Variants in CCSER1 observed in about 807,000 individuals in gnomAD.
CCSER1 encodes serine-rich coiled-coil domain-containing protein 1.
CCSER1 carries 41 observed loss-of-function variants against 82.0 expected under a neutral mutation model. The ratio of observed to expected loss-of-function variants is 0.50; its 90% CI spans 0.39 to 0.65. CCSER1 has a LOEUF of 0.65. Ranked by LOEUF, CCSER1 falls within the 30% of genes least tolerant of loss-of-function variation. CCSER1 has a pLI of 0.00. For synonymous variants in CCSER1, 414 were observed against 383.9 expected, an observed-to-expected ratio of 1.08 and a Z score of -0.92; for missense variants, 1,119 against 1,064.2, an observed-to-expected ratio of 1.05 and a Z score of -0.72.
At chr4:91,222,153 A>G in intron 10 of CCSER1, among the ~76,000 whole-genome samples, 1 of 150,964 alleles carries the variant, frequency 6.6e-6, no homozygotes, top group East Asian at 2.0e-4. Flanking sequence ...TGCTACTGTG[A>G]ACTGATTTTC....
At chr4:90,662,003 T>TCTTTC (rs201269377) in intron 6 of CCSER1, among the ~76,000 whole-genome samples, 1 of 149,492 alleles carries the variant, frequency 6.7e-6, no homozygotes, top group East Asian at 2.0e-4. Context: ...TTTCTTTCTT[T>TCTTTC]TTTTTTTTTT....
chr4:90,293,205 A>G (rs932127362), intron 1 of CCSER1, among the ~76,000 whole-genome samples: 1 of 151,804 alleles, frequency 6.6e-6, no homozygotes, highest in Admixed American at 6.6e-5. Flanking sequence ...CAAAAACAAC[A>G]AGAAACTATC....
chr4:90,794,341 A>C (rs1374640874), intron 7 of CCSER1, among the ~76,000 whole-genome samples: 2 of 152,162 alleles, frequency 1.3e-5, no homozygotes, highest in East Asian at 3.8e-4. Flanking sequence ...ATTTTTGTAT[A>C]TGATGTAAGG....
chr4:90,968,744 CTG>C (rs1734807178), intron 9 of CCSER1, among the ~76,000 whole-genome samples: 1 of 151,874 alleles, frequency 6.6e-6, no homozygotes, highest in Admixed American at 6.6e-5. Flanking sequence ...AATGAAAAGA[CTG>C]TAATGAAAGA....
rs1764883272 is a variant in CCSER1, at chr4:91,603,514, A to C, written c.*4457A>C. ...TAGTTAAGGTGAAATAAAATCATTA[A>C]TAGAGAGTAGGTTCCTTCCATTTGA... On this transcript the variant is annotated 3_prime_UTR_variant, in exon 11 of 11. Coordinates refer to ENST00000509176, the MANE Select transcript of CCSER1 (RefSeq NM_001145065.2). 1 of 152,094 alleles carries C rather than the reference A, an allele frequency of 6.6e-6. No individual in the cohort carries two copies. Among genetic ancestry groups the C allele is most frequent in the East Asian group, 1.9e-4 (1 of 5,182 alleles). 9.4% of individuals were successfully genotyped at this position (152,094 alleles called of 1,614,324 possible).
At chr4:91,383,344 T>C (rs1397862096) in intron 10 of CCSER1, among the ~76,000 whole-genome samples, 1 of 152,150 alleles carries the variant, frequency 6.6e-6, no homozygotes, top group Middle Eastern at 3.2e-3. Context: ...TTCTTCATGT[T>C]ATCTCACTTT....
chr4:90,473,701 G>A (rs1764699086), intron 5 of CCSER1, among the ~76,000 whole-genome samples: 1 of 152,146 alleles, frequency 6.6e-6, no homozygotes, highest in Admixed American at 6.6e-5. Context: ...ATTTGGAACA[G>A]TTAAGTACTC....
intron 9 of CCSER1, among the ~76,000 whole-genome samples, chr4:91,004,058 C>T (rs1418303472): frequency 6.6e-6 from 1 of 152,204 alleles, no homozygotes; most frequent in Admixed American, 6.5e-5. Flanking sequence ...AGTTTGGGCA[C>T]CCACATTATT....
At chr4:90,738,610 C>T (rs1200803585) in intron 7 of CCSER1, among the ~76,000 whole-genome samples, 1 of 152,108 alleles carries the variant, frequency 6.6e-6, no homozygotes, top group Admixed American at 6.5e-5. Flanking sequence ...TGTGACCTCC[C>T]AAGGCCCACT....
intron 10 of CCSER1, among the ~76,000 whole-genome samples, chr4:91,256,081 T>C (rs1244788608): frequency 1.3e-5 from 2 of 152,094 alleles, no homozygotes; most frequent in Middle Eastern, 3.2e-3. Flanking sequence ...CTCAATTCTT[T>C]CCCCAGTAAG....
chr4:90,741,164 C>T (rs893268104), intron 7 of CCSER1, among the ~76,000 whole-genome samples: 1 of 151,928 alleles, frequency 6.6e-6, no homozygotes, highest in African/African-American at 2.4e-5. Flanking sequence ...AATTTTATAG[C>T]CAATAAAGGG....
At chr4:90,581,668 C>T (rs1206515881) in intron 5 of CCSER1, among the ~76,000 whole-genome samples, 1 of 152,052 alleles carries the variant, frequency 6.6e-6, no homozygotes, top group East Asian at 1.9e-4. Flanking sequence ...TCTATGTCTG[C>T]CTCCTGCTCT....
chr4:90,664,632 A>G (rs1362560747), intron 6 of CCSER1, among the ~76,000 whole-genome samples: 1 of 152,156 alleles, frequency 6.6e-6, no homozygotes, highest in Admixed American at 6.5e-5. Context: ...CAGGCACGGT[A>G]GCTCACGCCT....
intron 5 of CCSER1, among the ~76,000 whole-genome samples, chr4:90,615,567 G>A (rs1309227167): frequency 1.3e-5 from 2 of 152,158 alleles, no homozygotes; most frequent in Non-Finnish European, 2.9e-5. Context: ...AACTTCAGAT[G>A]TGGTGGAAAC....
At chr4:90,224,273 A>G (rs190848434) in intron 1 of CCSER1, among the ~76,000 whole-genome samples, 1 of 152,328 alleles carries the variant, frequency 6.6e-6, no homozygotes, top group Non-Finnish European at 1.5e-5. Context: ...TTTGCATTTT[A>G]TTCACTTTTT....
intron 10 of CCSER1, among the ~76,000 whole-genome samples, chr4:91,205,756 T>G (rs1736293198): frequency 6.8e-6 from 1 of 147,322 alleles, no homozygotes; most frequent in Non-Finnish European, 1.5e-5. Context: ...TTCTCTATTT[T>G]TTGTCATTTT....
chr4:91,450,012 G>C (rs144492666), intron 10 of CCSER1, among the ~76,000 whole-genome samples: 2 of 152,130 alleles, frequency 1.3e-5, no homozygotes, highest in East Asian at 3.9e-4. Flanking sequence ...GAGTAACCAA[G>C]TTCTAATCTG....
intron 9 of CCSER1, among the ~76,000 whole-genome samples, chr4:91,042,103 C>G (rs115093900): frequency 0.01 from 1,589 of 152,008 alleles, 27 homozygotes; most frequent in African/African-American, 0.037. Flanking sequence ...TGGCTGTGTC[C>G]CCACCCAAAA....
chr4:91,287,502 C>T (rs554400882), intron 10 of CCSER1, among the ~76,000 whole-genome samples: 3 of 151,974 alleles, frequency 2.0e-5, no homozygotes, highest in Non-Finnish European at 4.4e-5. Context: ...ACCAAGCTTC[C>T]ACAGTAGTGA....
Sources: gnomAD v4.1 joint callset for allele counts (sites outside exome capture counted in the v4.1 genomes callset) on GRCh38, gnomAD v4.1.1 for gene constraint, MANE v1.5 for transcripts, NCBI Gene and HGNC (gene_info 2026-07-23, HGNC 2026-07-21) for gene names.